Variants in ASIC2 observed in about 807,000 individuals in gnomAD.
The protein encoded by ASIC2 is acid sensing ion channel subunit 2.
In ASIC2, 25 loss-of-function variants were observed where a neutral mutation model predicts 57.3. The ratio of observed to expected loss-of-function variants is 0.44; its 90% CI spans 0.32 to 0.61. The LOEUF is 0.61. Ranked by LOEUF, ASIC2 falls within the 20% of genes least tolerant of loss-of-function variation. ASIC2 has a pLI of 0.06. For missense variants in ASIC2, 641 were observed against 738.1 expected (o/e 0.87, Z 1.52); for synonymous variants, 319 against 307.5 (o/e 1.04, Z -0.39).
intron 1 of ASIC2, among the ~76,000 whole-genome samples, chr17:33,392,898 A>C (rs971630850): frequency 6.6e-6 from 1 of 152,234 alleles, no homozygotes; most frequent in Non-Finnish European, 1.5e-5. Flanking sequence ...ATGGTAACCT[A>C]GTCATCTTTG....
intron 1 of ASIC2, among the ~76,000 whole-genome samples, chr17:33,860,910 G>T (rs1488462332): frequency 1.3e-5 from 2 of 152,172 alleles, no homozygotes; most frequent in African/African-American, 2.4e-5. Context: ...AGCAATTAAG[G>T]CATGATCTCT....
intron 1 of ASIC2, among the ~76,000 whole-genome samples, chr17:33,770,651 A>G (rs1911071626): frequency 6.6e-6 from 1 of 152,074 alleles, no homozygotes; most frequent in Non-Finnish European, 1.5e-5. Context: ...ACAGGAACCA[A>G]TTCTCTGCAA....
chr17:33,053,239 C>T (rs577699745), intron 3 of ASIC2, among the ~76,000 whole-genome samples: 63 of 152,262 alleles, frequency 4.1e-4, no homozygotes, highest in African/African-American at 1.3e-3. Context: ...AAATCCCAGG[C>T]GGCCGTCTGT....
At chr17:33,169,797 C>T (rs924940542) in intron 1 of ASIC2, among the ~76,000 whole-genome samples, 6 of 152,168 alleles carry the variant, frequency 3.9e-5, no homozygotes, top group Non-Finnish European at 8.8e-5. Context: ...TATGAATGTG[C>T]CTCTCACCCA....
chr17:34,074,202 G>A lies in ASIC2; in HGVS notation c.555+81776C>T, dbSNP rs567441327. 7.2e-5 allele frequency among the ~76,000 whole-genome samples: 11 copies of A among 152,278 alleles called. No individual in the cohort carries two copies. In the South Asian group the frequency reaches 2.1e-3, roughly 29 times the overall value. ...CCTATATTTTAACAAGACCTCCAGA[G>A]GATGGTGATACACACTGTATTTTGA... On this transcript the variant is annotated intron_variant, in intron 1 of 9. Transcript: ENST00000359872.
At chr17:34,137,135 A>C (rs9901756) in intron 1 of ASIC2, among the ~76,000 whole-genome samples, 19,113 of 152,242 alleles carry the variant, frequency 0.13, 1,368 homozygotes, top group African/African-American at 0.19. Context: ...CTTTCATGAC[A>C]GTTCTAATTA....
chr17:33,462,916 A>G (rs2088301284), intron 1 of ASIC2, among the ~76,000 whole-genome samples: 2 of 152,154 alleles, frequency 1.3e-5, no homozygotes, highest in Admixed American at 1.3e-4. Context: ...GAGGTGATGG[A>G]GCTTTGTTCT....
chr17:33,159,125 T>C (rs1905092254), intron 1 of ASIC2, among the ~76,000 whole-genome samples: 1 of 152,214 alleles, frequency 6.6e-6, no homozygotes, highest in South Asian at 2.1e-4. Context: ...TGCTTTGTAA[T>C]GATAAATTAC....
At chr17:33,724,915 T>G (rs1363584799) in intron 1 of ASIC2, among the ~76,000 whole-genome samples, 2 of 152,170 alleles carry the variant, frequency 1.3e-5, no homozygotes, top group East Asian at 3.8e-4. Context: ...AAAACAAATC[T>G]GAAAAATGCC....
chr17:34,126,039 G>C (rs1441515787), intron 1 of ASIC2, among the ~76,000 whole-genome samples: 1 of 152,210 alleles, frequency 6.6e-6, no homozygotes, highest in Admixed American at 6.5e-5. Context: ...AAGTGTGAAT[G>C]CAAGTAAAGT....
chr17:33,813,209 G>A lies in ASIC2; in HGVS notation c.555+342769C>T, dbSNP rs1402515174. 2.0e-5 allele frequency among the ~76,000 whole-genome samples: 3 copies of A among 152,106 alleles called. No individual in the cohort carries two copies. The East Asian group carries it at 5.8e-4, about 29-fold the overall frequency. ...GGGGAGGAGCACGGAGGACCCAGAG[G>A]TAGAGAGCAAAGAGCCCAGACTAGG... On this transcript the variant is annotated intron_variant, in intron 1 of 9. Coordinates refer to the ASIC2 transcript ENST00000359872.
At chr17:34,087,644 T>C (rs1343062573) in intron 1 of ASIC2, among the ~76,000 whole-genome samples, 1 of 152,112 alleles carries the variant, frequency 6.6e-6, no homozygotes, top group African/African-American at 2.4e-5. Flanking sequence ...TTTTCCAACT[T>C]GGTTCCATTC....
chr17:33,909,526 C>T (rs894874716), intron 1 of ASIC2, among the ~76,000 whole-genome samples: 24 of 152,146 alleles, frequency 1.6e-4, no homozygotes, highest in African/African-American at 5.5e-4. Flanking sequence ...GGCTATGGAG[C>T]CCATAGGCTG....
At chr17:33,356,477 A>C (rs532595085) in intron 1 of ASIC2, among the ~76,000 whole-genome samples, 2 of 152,220 alleles carry the variant, frequency 1.3e-5, no homozygotes, top group East Asian at 3.9e-4. Context: ...CAGAAACACA[A>C]GCACACCCCT....
At chr17:34,015,836 G>A (rs1210970998) in intron 1 of ASIC2, among the ~76,000 whole-genome samples, 2 of 152,224 alleles carry the variant, frequency 1.3e-5, no homozygotes, top group South Asian at 2.1e-4. Context: ...TACTAGTTGT[G>A]TGACCTTGGG....
chr17:33,185,322 C>T (rs567586571), intron 1 of ASIC2, among the ~76,000 whole-genome samples: 1 of 152,244 alleles, frequency 6.6e-6, no homozygotes, highest in South Asian at 2.1e-4. Context: ...GCACTCCAGC[C>T]TCTTGGGTGA....
chr17:33,808,081 T>C (rs575824864), intron 1 of ASIC2, among the ~76,000 whole-genome samples: 89 of 152,350 alleles, frequency 5.8e-4, no homozygotes, highest in African/African-American at 2.0e-3. Flanking sequence ...GATTGTGCCT[T>C]TGGTGTTACA....
At chr17:33,778,610 A>T (rs2142126306) in intron 1 of ASIC2, among the ~76,000 whole-genome samples, 1 of 152,268 alleles carries the variant, frequency 6.6e-6, no homozygotes, top group Middle Eastern at 3.4e-3. Flanking sequence ...CTCCCTCAAC[A>T]GGCGGCCTGA....
At position 33,191,903 on chromosome 17, in the gene ASIC2, C is replaced by T. The variant is rs145346252; in HGVS notation, c.709-79836G>A. On this transcript the variant is annotated intron_variant, in intron 1 of 9. Coordinates refer to ENST00000225823, the MANE Select transcript of ASIC2 (RefSeq NM_183377.2). ...TGCTACATGCCTTTTCCTCAATCCT[C>T]CATTAATCAGATCTACCCCATTATT... 5.3e-3 allele frequency among the ~76,000 whole-genome samples: 811 copies of T among 152,206 alleles called. 15 individuals carry two copies. The highest frequency in any genetic ancestry group is 0.019 in the African/African-American group (781 of 41,508).
Sources: allele counts gnomAD v4.1 joint callset (sites outside exome capture counted in the v4.1 genomes callset), GRCh38; gene constraint gnomAD v4.1.1; transcripts MANE v1.5; gene names NCBI Gene and HGNC (gene_info 2026-07-23, HGNC 2026-07-21).